The following DDX31 variants were observed in gnomAD, a reference collection of about 807,000 sequenced individuals.
DDX31 encodes the protein ATP-dependent DNA helicase DDX31.
DDX31 carries 70 observed loss-of-function variants against 91.3 expected under a neutral mutation model. That is an observed-to-expected ratio of 0.77 (90% CI 0.63 to 0.94). DDX31 has a LOEUF of 0.94. Among genes scored for constraint, DDX31 ranks in the 40% least tolerant of loss-of-function variants. DDX31 has a pLI of 0.00. For synonymous variants in DDX31, 362 were observed against 350.6 expected (o/e 1.03, Z -0.36); for missense variants, 902 against 925.0 (o/e 0.98, Z 0.32).
At chr9:132,610,052 C>G (rs1343225642) in intron 19 of DDX31, among the ~76,000 whole-genome samples, 3 of 152,166 alleles carry the variant, frequency 2.0e-5, no homozygotes, top group South Asian at 4.1e-4. Flanking sequence ...AGCTGGGAAG[C>G]CTCATGGTTT....
intron 9 of DDX31, among the ~76,000 whole-genome samples, chr9:132,649,909 T>C (rs1426182278): frequency 6.6e-6 from 1 of 152,184 alleles, no homozygotes; most frequent in East Asian, 1.9e-4. Flanking sequence ...CCCAAACTCT[T>C]AATGTCCACA....
At chr9:132,640,111 T>C (rs4962203) in intron 14 of DDX31, among the ~76,000 whole-genome samples, 46,841 of 152,114 alleles carry the variant, frequency 0.31, 7,564 homozygotes, top group Middle Eastern at 0.42. Context: ...TCACAGTCCT[T>C]GTCTTCATGA....
At chr9:132,659,904 A>T (rs1196252562) in intron 4 of DDX31, 124 bp from the exon 5 acceptor site, 2 of 795,640 alleles carry the variant, frequency 2.5e-6, no homozygotes, top group Non-Finnish European at 4.1e-6. Flanking sequence ...CTTAGAAGCT[A>T]TCAAAGCATT....
intron 2 of DDX31, 28 bp downstream of exon 2, chr9:132,662,411 C>T (rs1473178247): frequency 6.2e-7 from 1 of 1,613,198 alleles, no homozygotes; most frequent in African/African-American, 1.3e-5. Context: ...TTTTTTTCTT[C>T]CTGAAGGGCA....
Position 132,604,231 on chromosome 9 carries a change from G to A in DDX31, c.1994+7856C>T, listed in dbSNP as rs2119224334. Among the ~76,000 whole-genome samples, 2 of 152,264 alleles carry A rather than the reference G, an allele frequency of 1.3e-5. 1 individual carries two copies. The highest frequency in any genetic ancestry group is 4.2e-4 in the South Asian group (2 of 4,818). On this transcript the variant is annotated intron_variant, in intron 19 of 19. Transcript: ENST00000372159. ...TAACAGATGGATTCATTTGACAAAT[G>A]GTCCCTGAGACTACAGGCCAGTGTT...
intron 14 of DDX31, among the ~76,000 whole-genome samples, chr9:132,639,100 G>A (rs939659530): frequency 1.3e-5 from 2 of 152,106 alleles, no homozygotes. Context: ...CAAGCAACAG[G>A]CTGCTTAAAA....
chr9:132,624,497 T>C (rs1038834694), intron 17 of DDX31, among the ~76,000 whole-genome samples: 1 of 152,234 alleles, frequency 6.6e-6, no homozygotes, highest in African/African-American at 2.4e-5. Flanking sequence ...TATCTTGGTT[T>C]AGTTAATACT....
chr9:132,611,778 G>A (rs984873662), intron 19 of DDX31, among the ~76,000 whole-genome samples: 1 of 151,950 alleles, frequency 6.6e-6, no homozygotes, highest in Non-Finnish European at 1.5e-5. Context: ...TATGCTCCCA[G>A]GCCTCGTCAC....
intron 14 of DDX31, among the ~76,000 whole-genome samples, chr9:132,640,309 C>G (rs184891463): frequency 6.6e-6 from 1 of 152,122 alleles, no homozygotes; most frequent in Admixed American, 6.5e-5. Context: ...GTGTTCCAGG[C>G]AGAGGGACTA....
At chr9:132,651,012 G>C in intron 8 of DDX31, 63 bp downstream of exon 8, 1 of 1,376,390 alleles carries the variant, frequency 7.3e-7, no homozygotes, top group Non-Finnish European at 1.0e-6. Context: ...ATAGACTGTA[G>C]TATATTAAAT....
At chr9:132,635,430 T>C (rs1590043088) in intron 14 of DDX31, among the ~76,000 whole-genome samples, 1 of 146,956 alleles carries the variant, frequency 6.8e-6, no homozygotes, top group Admixed American at 6.8e-5. Flanking sequence ...CTGTTAAGTA[T>C]CACAAAGGAT....
At chr9:132,609,766 C>T (rs566955029) in intron 19 of DDX31, among the ~76,000 whole-genome samples, 2 of 152,078 alleles carry the variant, frequency 1.3e-5, no homozygotes, top group Admixed American at 6.5e-5. Context: ...GAATTACAGG[C>T]GCCTGTCACC....
At position 132,600,944 on chromosome 9, in the gene DDX31, G is replaced by A. The variant is rs534803628; in HGVS notation, c.1995-5832C>T. Among the ~76,000 whole-genome samples, 22 of 152,338 alleles carry A rather than the reference G, an allele frequency of 1.4e-4. 1 individual carries two copies. Among genetic ancestry groups the A allele is most frequent in the Admixed American group, 3.9e-4 (6 of 15,310 alleles). ...ATGAAGGTAAAACAGCCTACAGTGCGTTAGAGAGCTCGGTACATTTTAATT... is the reference window on the plus strand; with the variant it reads ...ATGAAGGTAAAACAGCCTACAGTGCATTAGAGAGCTCGGTACATTTTAATT... On this transcript the variant is annotated intron_variant, in intron 19 of 19. Coordinates refer to ENST00000372159, the MANE Select transcript of DDX31 (RefSeq NM_022779.9).
intron 16 of DDX31, among the ~76,000 whole-genome samples, chr9:132,626,138 GAAAA>G (rs3028359): frequency 3.0e-5 from 4 of 134,684 alleles, no homozygotes; most frequent in Admixed American, 7.4e-5. Context: ...TACTGAAGAG[GAAAA>G]AAAAAAAAAA....
chr9:132,607,581 G>A (rs918440788), intron 19 of DDX31, among the ~76,000 whole-genome samples: 1 of 152,230 alleles, frequency 6.6e-6, no homozygotes, highest in Non-Finnish European at 1.5e-5. Flanking sequence ...ACTACTGTGT[G>A]AGCACAGCAT....
intron 6 of DDX31, 89 bp downstream of exon 6, chr9:132,658,576 ACAGATT>A: frequency 8.4e-7 from 1 of 1,188,672 alleles, no homozygotes; most frequent in South Asian, 1.3e-5. Flanking sequence ...CTCAGTGAAA[ACAGATT>A]CTTTTAGTCC....
intron 19 of DDX31, among the ~76,000 whole-genome samples, chr9:132,605,882 C>A (rs523071): frequency 0.072 from 11,004 of 152,088 alleles, 513 homozygotes; most frequent in East Asian, 0.11. Context: ...TAAGCCAGGG[C>A]AAGATGCGGT....
intron 14 of DDX31, 124 bp from the exon 15 acceptor site, chr9:132,632,215 G>GCATACACGTATATGCC (rs1832777448): frequency 2.5e-6 from 1 of 394,142 alleles, no homozygotes; most frequent in Non-Finnish European, 4.5e-6. Flanking sequence ...GCACATTCGG[G>GCATACACGTATATGCC]CATACACGTA....
intron 19 of DDX31, among the ~76,000 whole-genome samples, chr9:132,601,045 C>T (rs1274931931): frequency 6.6e-6 from 1 of 152,198 alleles, no homozygotes; most frequent in Non-Finnish European, 1.5e-5. Context: ...GTGCTTGGAA[C>T]TGTTATGATT....
Sources: gnomAD v4.1 joint callset for allele counts (sites outside exome capture counted in the v4.1 genomes callset) on GRCh38, gnomAD v4.1.1 for gene constraint, MANE v1.5 for transcripts, NCBI Gene and HGNC (gene_info 2026-07-23, HGNC 2026-07-21) for gene names.